PRKN: variants seen among roughly 807,000 people sequenced by gnomAD.
PRKN encodes E3 ubiquitin-protein ligase parkin.
In PRKN, 56 loss-of-function variants were observed where a neutral mutation model predicts 59.5. That is an observed-to-expected ratio of 0.94 (90% confidence interval 0.76 to 1.18). The LOEUF (loss-of-function observed/expected upper bound fraction) is 1.18, where lower values mean the gene tolerates loss of function less well. Ranked by LOEUF, PRKN falls within the 50% of genes most tolerant of loss-of-function variation. PRKN has a pLI of 0.00. For synonymous variants in PRKN, 250 were observed against 222.1 expected, an observed-to-expected ratio of 1.13 and a Z score of -1.12; for missense variants, 657 against 596.4, an observed-to-expected ratio of 1.10 and a Z score of -1.06.
At chr6:162,121,280 C>T (rs1780902711) in intron 4 of PRKN, among the ~76,000 whole-genome samples, 1 of 151,978 alleles carries the variant, frequency 6.6e-6, no homozygotes, top group South Asian at 2.1e-4. Context: ...AGATGTATGC[C>T]AACCCGTGGA....
chr6:161,404,028 A>C (rs1287754680), intron 9 of PRKN, among the ~76,000 whole-genome samples: 1 of 152,104 alleles, frequency 6.6e-6, no homozygotes, highest in Non-Finnish European at 1.5e-5. Context: ...AACAGAGATC[A>C]TTCTAGGGAG....
chr6:162,633,190 T>C (rs960248910), intron 1 of PRKN, among the ~76,000 whole-genome samples: 1 of 151,532 alleles, frequency 6.6e-6, no homozygotes, highest in Non-Finnish European at 1.5e-5. Context: ...TCCCAGCACT[T>C]TGGGAGGCCG....
chr6:161,505,254 T>A (rs74528043), intron 9 of PRKN, among the ~76,000 whole-genome samples: 120,530 of 151,522 alleles, frequency 0.8, 48,181 homozygotes, highest in Middle Eastern at 0.86. Context: ...GTGGTTTTGA[T>A]TTGCATTTCT....
At position 161,518,489 on chromosome 6, in the gene PRKN, G is replaced by A. The variant is rs574370345; in HGVS notation, c.1083+30365C>T. 1.1e-4 allele frequency among the ~76,000 whole-genome samples: 17 copies of A among 152,334 alleles called. No individual in the cohort carries two copies. The East Asian group carries it at 1.9e-3, about 17-fold the overall frequency. On this transcript the variant is annotated intron_variant, in intron 9 of 11. Coordinates refer to ENST00000366898, the MANE Select transcript of PRKN (RefSeq NM_004562.3). The surrounding 1 kb of genome is among the most constrained non-coding windows in gnomAD (Gnocchi z 5.0). The stretch of plus-strand genomic sequence containing the variant: ...AGTGCAGGCTGCTGTGGCACTGGGC[G>A]CTGCCCCTGGCTGTGCAATCCCAGG...
intron 4 of PRKN, among the ~76,000 whole-genome samples, chr6:162,078,261 A>G (rs1778918167): frequency 6.6e-6 from 1 of 152,070 alleles, no homozygotes; most frequent in South Asian, 2.1e-4. Context: ...GTGCATGGAT[A>G]CACTTGTTCA....
chr6:161,700,538 G>C (rs974719859), intron 7 of PRKN, among the ~76,000 whole-genome samples: 1 of 152,088 alleles, frequency 6.6e-6, no homozygotes, highest in African/African-American at 2.4e-5. Flanking sequence ...CAGGTAATGG[G>C]GTTAGCTGTT....
At chr6:161,511,984 T>C (rs576076020) in intron 9 of PRKN, among the ~76,000 whole-genome samples, 3 of 151,376 alleles carry the variant, frequency 2.0e-5, no homozygotes, top group African/African-American at 7.4e-5. Flanking sequence ...CGTTTCCCCC[T>C]AACACAGACA....
At chr6:162,417,746 G>A (rs1788707075) in intron 2 of PRKN, among the ~76,000 whole-genome samples, 1 of 152,188 alleles carries the variant, frequency 6.6e-6, no homozygotes, top group Non-Finnish European at 1.5e-5. Flanking sequence ...TTCTAGCTCA[G>A]TTCATGAACG....
chr6:161,392,228 T>C (rs2114958045), intron 9 of PRKN, among the ~76,000 whole-genome samples: 1 of 149,198 alleles, frequency 6.7e-6, no homozygotes, highest in Non-Finnish European at 1.5e-5. Context: ...GAACCACCAA[T>C]ACAAAAATTA....
chr6:162,649,585 C>T (rs1326235571), intron 1 of PRKN, among the ~76,000 whole-genome samples: 2 of 151,684 alleles, frequency 1.3e-5, no homozygotes, highest in African/African-American at 4.8e-5. Context: ...ATTTGGGTTC[C>T]AATTCTCGGT....
chr6:161,466,579 C>A lies in PRKN; in HGVS notation c.1084-79702G>T, dbSNP rs954161712. On this transcript the variant is annotated intron_variant, in intron 9 of 11. Coordinates refer to ENST00000366898, the MANE Select transcript of PRKN (RefSeq NM_004562.3). This position sits in a 1 kb window ranked among gnomAD's most constrained non-coding sequence, Gnocchi z 5.0. ...GATGTTAGGATGAAGGTACAGTTTG[C>A]ATATTAAAAGATAAGCCAGTACATC... Among the ~76,000 whole-genome samples, 1 of 152,170 alleles carries A rather than the reference C, an allele frequency of 6.6e-6. No individual in the cohort carries two copies. Among genetic ancestry groups the A allele is most frequent in the Admixed American group, 6.5e-5 (1 of 15,278 alleles).
chr6:162,031,614 T>C (rs1288105402), intron 5 of PRKN, among the ~76,000 whole-genome samples: 6 of 151,746 alleles, frequency 4.0e-5, no homozygotes, highest in Non-Finnish European at 7.4e-5. Flanking sequence ...CAGCTCACTG[T>C]AACCTCCACC....
chr6:161,631,793 A>ACC lies in PRKN; in HGVS notation c.872-62379_872-62378dup, dbSNP rs1554285584. ...GACAAACACACACACACACACACACACCCCACACACACACATTCCTCAGGG... is the reference window on the plus strand; with the variant it reads ...GACAAACACACACACACACACACACACCCCCCACACACACACATTCCTCAGGG... On this transcript the variant is annotated intron_variant, in intron 7 of 11. Transcript: ENST00000366898. Among the ~76,000 whole-genome samples, 218 of 147,292 alleles carry ACC rather than the reference A, an allele frequency of 1.5e-3. 2 individuals carry two copies. The highest frequency in any genetic ancestry group is 1.4e-3 in the Non-Finnish European group (90 of 66,580).
intron 1 of PRKN, among the ~76,000 whole-genome samples, chr6:162,505,509 G>A (rs891225772): frequency 9.2e-5 from 14 of 152,276 alleles, no homozygotes; most frequent in African/African-American, 7.2e-5. Flanking sequence ...GCAGCAATCC[G>A]TGTTTTAACA....
chr6:161,661,583 T>C (rs1033820626), intron 7 of PRKN, among the ~76,000 whole-genome samples: 1 of 151,768 alleles, frequency 6.6e-6, no homozygotes, highest in Non-Finnish European at 1.5e-5. Context: ...GCAAGTGCTG[T>C]CTCATTTCTG....
At chr6:162,594,962 CAGG>C (rs1200122816) in intron 1 of PRKN, among the ~76,000 whole-genome samples, 1 of 152,076 alleles carries the variant, frequency 6.6e-6, no homozygotes, top group Non-Finnish European at 1.5e-5. Flanking sequence ...ATCACGAGGT[CAGG>C]AGATCAAGAC....
intron 2 of PRKN, among the ~76,000 whole-genome samples, chr6:162,414,709 T>TGAAAAAAAAAA (rs373871165): frequency 0.014 from 628 of 44,430 alleles, 106 homozygotes; most frequent in East Asian, 0.055. Flanking sequence ...AGACTCCGTC[T>TGAAAAAAAAAA]CAAAAAAAAA....
chr6:162,353,089 T>G (rs1401546549), intron 2 of PRKN, among the ~76,000 whole-genome samples: 2 of 152,154 alleles, frequency 1.3e-5, no homozygotes, highest in Non-Finnish European at 2.9e-5. Context: ...CTGCAAATGT[T>G]TTTAGAAGTT....
intron 1 of PRKN, among the ~76,000 whole-genome samples, chr6:162,564,928 C>G (rs187490429): frequency 6.6e-6 from 1 of 151,080 alleles, no homozygotes; most frequent in East Asian, 1.9e-4. Flanking sequence ...ACAAAACTCA[C>G]TGGTAATAGT....
Sources: allele counts gnomAD v4.1 joint callset (sites outside exome capture counted in the v4.1 genomes callset), GRCh38; gene constraint gnomAD v4.1.1; non-coding constraint Gnocchi (gnomAD v3.1); transcripts MANE v1.5; gene names NCBI Gene and HGNC (gene_info 2026-07-23, HGNC 2026-07-21).